The following ZNF362 variants were observed in gnomAD, a reference collection of about 807,000 sequenced individuals.
ZNF362 encodes the protein rotund homolog.
ZNF362 carries 11 observed loss-of-function variants against 42.9 expected under a neutral mutation model. That is an observed-to-expected ratio of 0.26 (90% CI 0.16 to 0.42). The LOEUF is 0.42. Ranked by LOEUF, ZNF362 falls within the 20% of genes least tolerant of loss-of-function variation. The probability of loss-of-function intolerance (pLI) is 1.00; values close to 1 mark genes in which losing one functional copy is unlikely to be tolerated. For missense variants in ZNF362, 362 were observed against 576.2 expected, an observed-to-expected ratio of 0.63 and a Z score of 3.81; for synonymous variants, 255 against 257.3, an observed-to-expected ratio of 0.99 and a Z score of 0.09.
At chr1:33,250,024 G>T in the ZNF362 span, among the ~76,000 whole-genome samples, 5 of 152,130 alleles carry the variant, frequency 3.3e-5, no homozygotes, top group Admixed American at 1.3e-4. Flanking sequence ...AACAAAATGA[G>T]CAAAGGTAAA....
the ZNF362 span, among the ~76,000 whole-genome samples, chr1:33,177,844 G>A: frequency 1.3e-5 from 2 of 152,282 alleles, no homozygotes; most frequent in South Asian, 4.2e-4. This position sits in a 1 kb window ranked among gnomAD's most constrained non-coding sequence, Gnocchi z 4.1. Context: ...TAGGTGCCAA[G>A]TGCAGTACTA....
chr1:33,148,977 C>T, the ZNF362 span, among the ~76,000 whole-genome samples: 96 of 152,256 alleles, frequency 6.3e-4, 2 homozygotes, highest in South Asian at 7.7e-3. Flanking sequence ...CACTTCTGCC[C>T]CCTACCCCAC....
intron 6 of ZNF362, among the ~76,000 whole-genome samples, chr1:33,291,444 A>G (rs1386225169): frequency 3.3e-5 from 5 of 152,236 alleles, no homozygotes; most frequent in Non-Finnish European, 5.9e-5. Flanking sequence ...TGGTACCAGT[A>G]TCATGCTGTT....
At chr1:33,255,797 T>C (rs1645783872), upstream of ZNF362, among the ~76,000 whole-genome samples, 1 of 151,912 alleles carries the variant, frequency 6.6e-6, no homozygotes, top group African/African-American at 2.4e-5. Flanking sequence ...GCCTGGATTT[T>C]GAGCAGGTCG....
chr1:33,281,794 C>T lies in ZNF362; in HGVS notation c.891C>T (p.His297=), dbSNP rs776816954. ...ATAAGTCCTTCCGGCAGCTCTCCCA[C>T]CTCCAGCAGCACACCAGGTGAGTGG... is the stretch of plus-strand genomic sequence containing the variant. The part of the protein sequence containing the change: ...YCDKSFRQLS[H]LQQHTRIHTG... Residue 297 remains histidine (H), a synonymous_variant, in exon 6 of 9, where the codon CAC becomes CAT. Coordinates refer to ENST00000539719, the MANE Select transcript of ZNF362 (RefSeq NM_152493.3). The surrounding 1 kb of genome is among the most constrained non-coding windows in gnomAD (Gnocchi z 4.8). The T allele has an allele frequency of 3.2e-5, 52 of 1,614,116 alleles. No individual in the cohort carries two copies. The highest frequency in any genetic ancestry group is 4.1e-5 in the Non-Finnish European group (48 of 1,180,036).
At chr1:33,275,491 C>A (rs1279781957) in intron 2 of ZNF362, among the ~76,000 whole-genome samples, 3 of 152,212 alleles carry the variant, frequency 2.0e-5, no homozygotes, top group Non-Finnish European at 4.4e-5. Flanking sequence ...TGGCCTGTTT[C>A]TTGAAGATAA....
intron 1 of ZNF362, among the ~76,000 whole-genome samples, chr1:33,265,862 C>T (rs767986250): frequency 6.6e-5 from 10 of 152,182 alleles, no homozygotes; most frequent in Admixed American, 2.0e-4. Flanking sequence ...CCTTTATGAA[C>T]GGCTCCAGCC....
At chr1:33,263,616 G>C (rs558719625) in intron 1 of ZNF362, among the ~76,000 whole-genome samples, 38 of 152,204 alleles carry the variant, frequency 2.5e-4, no homozygotes, top group African/African-American at 9.1e-4. Flanking sequence ...TTGCCATGTT[G>C]GTCAGGCTGG....
the ZNF362 span, chr1:33,181,511 C>G: frequency 1.4e-6 from 2 of 1,467,560 alleles, no homozygotes; most frequent in Non-Finnish European, 1.8e-6. This position sits in a 1 kb window ranked among gnomAD's most constrained non-coding sequence, Gnocchi z 6.5. Flanking sequence ...GAGGCAGCAC[C>G]GAGGGCTGGG....
the ZNF362 span, among the ~76,000 whole-genome samples, chr1:33,251,065 G>C: frequency 1.3e-5 from 2 of 152,190 alleles, no homozygotes; most frequent in Admixed American, 1.3e-4. Flanking sequence ...AGAGAGAATG[G>C]AGTGTGAAGG....
the ZNF362 span, chr1:33,147,158 T>G: frequency 6.2e-7 from 1 of 1,608,294 alleles, no homozygotes; most frequent in African/African-American, 1.3e-5. The surrounding 1 kb of genome is among the most constrained non-coding windows in gnomAD (Gnocchi z 8.1). Context: ...CAGGAGGTTG[T>G]GGTCTCCTTC....
chr1:33,131,625 TAAAA>T, the ZNF362 span, among the ~76,000 whole-genome samples: 2 of 151,320 alleles, frequency 1.3e-5, no homozygotes, highest in Admixed American at 6.6e-5. Flanking sequence ...TTAAAAGAAA[TAAAA>T]TAAATAATTA....
At chr1:33,153,702 T>C in the ZNF362 span, among the ~76,000 whole-genome samples, 1 of 152,202 alleles carries the variant, frequency 6.6e-6, no homozygotes, top group African/African-American at 2.4e-5. Context: ...AGGAAGAAAC[T>C]GAAGTTCAGA....
the ZNF362 span, chr1:33,165,225 G>T: frequency 2.5e-6 from 1 of 402,110 alleles, no homozygotes; most frequent in Non-Finnish European, 4.5e-6. This position sits in a 1 kb window ranked among gnomAD's most constrained non-coding sequence, Gnocchi z 4.0. Context: ...AAATGGCCCC[G>T]TCCTTAACCG....
intron 3 of ZNF362, 21 bp from the exon 4 acceptor site, chr1:33,276,327 C>G: frequency 6.5e-7 from 1 of 1,544,682 alleles, no homozygotes. Context: ...ACCTCCTCAG[C>G]CCGTCCTCTT....
At chr1:33,274,973 C>G (rs368288496) in intron 2 of ZNF362, 1 of 985,204 alleles carries the variant, frequency 1.0e-6, no homozygotes, top group Non-Finnish European at 1.2e-6. Context: ...GGTTTTCTCC[C>G]GAAGCCCTAT....
At chr1:33,152,308 G>A in the ZNF362 span, among the ~76,000 whole-genome samples, 1 of 152,226 alleles carries the variant, frequency 6.6e-6, no homozygotes, top group Non-Finnish European at 1.5e-5. Flanking sequence ...GCTCACGCCC[G>A]TAATTCCAGC....
chr1:33,298,073 G>A (rs1328731232), intron 8 of ZNF362, among the ~76,000 whole-genome samples: 3 of 152,106 alleles, frequency 2.0e-5, no homozygotes. Context: ...TGGGAGTACC[G>A]CCTCTGCTTC....
chr1:33,248,951 C>A, the ZNF362 span, among the ~76,000 whole-genome samples: 1 of 152,158 alleles, frequency 6.6e-6, no homozygotes, highest in Non-Finnish European at 1.5e-5. Context: ...TGCTGAGCCC[C>A]CTCACCTTCA....
Sources: gnomAD v4.1 joint callset for allele counts (sites outside exome capture counted in the v4.1 genomes callset) on GRCh38, gnomAD v4.1.1 for gene constraint, Gnocchi (gnomAD v3.1) non-coding constraint, MANE v1.5 for transcripts, NCBI Gene and HGNC (gene_info 2026-07-23, HGNC 2026-07-21) for gene names.